Variants in NIPBL observed in about 807,000 individuals in gnomAD.
NIPBL encodes nipped-B-like protein.
In NIPBL, 19 loss-of-function variants were observed where a neutral mutation model predicts 321.8. That is an observed-to-expected ratio of 0.06 (90% CI 0.04 to 0.09). The LOEUF is 0.09. NIPBL is among the 10% of genes least tolerant of loss of function. NIPBL has a pLI of 1.00. For synonymous variants in NIPBL, 1,106 were observed against 1,114.1 expected (o/e 0.99, Z 0.14); for missense variants, 2,210 against 3,327.0 (o/e 0.66, Z 8.26).
intron 9 of NIPBL, among the ~76,000 whole-genome samples, chr5:36,979,748 T>C (rs1743924056): frequency 6.6e-6 from 1 of 151,728 alleles, no homozygotes; most frequent in South Asian, 2.1e-4. Context: ...CTCTAACCTG[T>C]TATAAAAGTA....
intron 1 of NIPBL, among the ~76,000 whole-genome samples, chr5:36,952,983 G>A (rs1740568987): frequency 6.6e-6 from 1 of 152,136 alleles, no homozygotes; most frequent in Non-Finnish European, 1.5e-5. Context: ...GAAATCGTGG[G>A]AACGTGCTTT....
At chr5:36,944,712 A>T (rs946066301) in intron 1 of NIPBL, among the ~76,000 whole-genome samples, 1 of 152,060 alleles carries the variant, frequency 6.6e-6, no homozygotes, top group African/African-American at 2.4e-5. Flanking sequence ...AATTCAGAAG[A>T]ATCTGGCCAA....
chr5:36,944,285 A>G (rs1257869904), intron 1 of NIPBL, among the ~76,000 whole-genome samples: 5 of 152,178 alleles, frequency 3.3e-5, no homozygotes, highest in African/African-American at 9.6e-5. Flanking sequence ...GATAGAGATC[A>G]GTATGCAGAT....
At chr5:36,904,099 G>C (rs1023993670) in intron 1 of NIPBL, among the ~76,000 whole-genome samples, 1 of 152,196 alleles carries the variant, frequency 6.6e-6, no homozygotes, top group South Asian at 2.1e-4. Context: ...AGAAGTGCTC[G>C]TAAGTAGGAT....
Position 37,037,127 on chromosome 5 carries a change from C to G in NIPBL, c.5971+640C>G, listed in dbSNP as rs189937292. Reference sequence around the variant, plus strand: ...ATTGGGCCAGGCGTGGTGGCTCACACCTGTAATCCCAGCACTTTGGGAGGC... The same window carrying G: ...ATTGGGCCAGGCGTGGTGGCTCACAGCTGTAATCCCAGCACTTTGGGAGGC... On this transcript the variant is annotated intron_variant, in intron 33 of 46. Transcript: ENST00000282516. Among the ~76,000 whole-genome samples the G allele has an allele frequency of 6.9e-3, 1,053 of 151,654 alleles. 10 individuals carry two copies. The highest frequency in any genetic ancestry group is 0.024 in the African/African-American group (994 of 41,462).
rs201801084 is a variant in NIPBL at position 37,047,990 on chromosome 5, A to AT, written c.6590-502dup. 1.1e-3 allele frequency among the ~76,000 whole-genome samples: 169 copies of AT among 151,034 alleles called. 1 individual carries two copies. Among genetic ancestry groups the AT allele is most frequent in the Non-Finnish European group, 1.8e-3 (123 of 67,604 alleles). ...TGTTTCATCAAATGAATATATTTTA[A>AT]TTTTTTTTTTAAAATAATGTCAATG... On this transcript the variant is annotated intron_variant, in intron 38 of 46. Coordinates refer to ENST00000282516, the MANE Select transcript of NIPBL (RefSeq NM_133433.4).
Position 37,048,487 on chromosome 5 carries a change from T to G in NIPBL, c.6590-15T>G. On this transcript the variant is annotated splice_polypyrimidine_tract_variant and intron_variant, in intron 38 of 46. Transcript: ENST00000282516. ...TAATATGAATATATGATGAGATTTT[T>G]CCCCTCTCCCATAGGATTTGCCTTT... 4.6e-6 allele frequency: 7 copies of G among 1,509,516 alleles called. No homozygotes were observed. Among genetic ancestry groups the G allele is most frequent in the Non-Finnish European group, 4.5e-6 (5 of 1,120,498 alleles). The allele number at this position is 1,509,516 out of a possible 1,614,324, so 93.5% of individuals were successfully genotyped here.
At chr5:36,991,195 G>A (rs1163982989) in intron 10 of NIPBL, among the ~76,000 whole-genome samples, 2 of 151,896 alleles carry the variant, frequency 1.3e-5, no homozygotes, top group African/African-American at 2.4e-5. Flanking sequence ...ACAAATTATA[G>A]TACAAAGAGA....
At chr5:36,901,956 G>C (rs1747263149) in intron 1 of NIPBL, among the ~76,000 whole-genome samples, 1 of 152,090 alleles carries the variant, frequency 6.6e-6, no homozygotes, top group Non-Finnish European at 1.5e-5. Flanking sequence ...ATTCTGACTG[G>C]TGTGCAATGG....
In NIPBL at chr5:36,961,500, G is replaced by T; in HGVS notation, c.375G>T (p.Gln125His). The change falls in exon 5 of 47, where the codon CAG becomes CAT. Residue 125 changes from glutamine (Q) to histidine (H), a missense_variant. Physicochemically the swap from Gln to His is conservative, Grantham distance 24. Coordinates refer to ENST00000282516, the MANE Select transcript of NIPBL (RefSeq NM_133433.4). ...RYVQSGMMMS[Q>H]YKLSQNSMHS... ...TTTGCATAGGAATGATGATGTCTCA[G>T]TATAAACTTTCTCAGAATTCCATGC... 3 of 1,607,838 alleles carry T rather than the reference G, an allele frequency of 1.9e-6. No homozygotes were observed. Among genetic ancestry groups the T allele is most frequent in the South Asian group, 1.1e-5 (1 of 90,928 alleles).
chr5:36,995,549 T>C (rs1340519481), intron 10 of NIPBL, 73 bp from the exon 11 acceptor site: 3 of 973,516 alleles, frequency 3.1e-6, no homozygotes, highest in African/African-American at 3.3e-5. Context: ...ATTTTTATTA[T>C]GCTAACTTAG....
chr5:37,054,053 G>A (rs1473291861), intron 42 of NIPBL, among the ~76,000 whole-genome samples: 4 of 151,684 alleles, frequency 2.6e-5, no homozygotes, highest in Non-Finnish European at 1.5e-5. Flanking sequence ...AAAATTAGCC[G>A]GGCGTGGTGG....
intron 32 of NIPBL, 35 bp downstream of exon 32, chr5:37,027,447 T>G: frequency 6.5e-7 from 1 of 1,533,522 alleles, no homozygotes; most frequent in Non-Finnish European, 9.0e-7. Flanking sequence ...AACCTAAAAT[T>G]TAATAGGTTA....
intron 40 of NIPBL, among the ~76,000 whole-genome samples, chr5:37,049,930 T>G (rs1008933326): frequency 6.6e-6 from 1 of 152,172 alleles, no homozygotes; most frequent in Non-Finnish European, 1.5e-5. Flanking sequence ...ATTTTGGGTA[T>G]TTTTCATGGA....
chr5:37,057,499 A>G (rs925435614), intron 43 of NIPBL, among the ~76,000 whole-genome samples, 167 bp downstream of exon 43: 3 of 152,210 alleles, frequency 2.0e-5, no homozygotes, highest in Admixed American at 2.0e-4. Context: ...GAGGATGTAC[A>G]TTGCCACTTT....
At chr5:36,953,183 A>G (rs1740593559) in intron 1 of NIPBL, among the ~76,000 whole-genome samples, 1 of 152,214 alleles carries the variant, frequency 6.6e-6, no homozygotes, top group African/African-American at 2.4e-5. Flanking sequence ...TAGAAAGGCA[A>G]GTTGAAGCTA....
At chr5:36,956,271 T>C (rs1740933254) in intron 3 of NIPBL, among the ~76,000 whole-genome samples, 1 of 152,030 alleles carries the variant, frequency 6.6e-6, no homozygotes, top group Non-Finnish European at 1.5e-5. Flanking sequence ...CCAATACATA[T>C]TTATACAAAC....
intron 40 of NIPBL, among the ~76,000 whole-genome samples, chr5:37,050,075 A>G (rs964369163): frequency 7.2e-5 from 11 of 152,216 alleles, no homozygotes; most frequent in Non-Finnish European, 1.3e-4. Context: ...TTATAATGAA[A>G]CAGTAGTACA....
At chr5:36,890,138 A>G (rs751923664) in intron 1 of NIPBL, among the ~76,000 whole-genome samples, 1 of 152,098 alleles carries the variant, frequency 6.6e-6, no homozygotes, top group Non-Finnish European at 1.5e-5. Context: ...AATGTTGCCC[A>G]GTATTTTGTC....
Sources: allele counts gnomAD v4.1 joint callset (sites outside exome capture counted in the v4.1 genomes callset), GRCh38; gene constraint gnomAD v4.1.1; transcripts MANE v1.5; gene names NCBI Gene and HGNC (gene_info 2026-07-23, HGNC 2026-07-21).